Variants in GRIK4 observed in about 807,000 individuals in gnomAD.
GRIK4 encodes glutamate receptor ionotropic, kainate 4.
In GRIK4, 40 loss-of-function variants were observed where a neutral mutation model predicts 104.9. That is an observed-to-expected ratio of 0.38 (90% CI 0.30 to 0.50). GRIK4 has a LOEUF of 0.50. GRIK4 is among the 20% of genes least tolerant of loss of function. The probability of loss-of-function intolerance (pLI) is 0.93; values close to 1 mark genes in which losing one functional copy is unlikely to be tolerated. For synonymous variants in GRIK4, 485 were observed against 524.9 expected, an observed-to-expected ratio of 0.92 and a Z score of 1.04; for missense variants, 1,047 against 1,308.1, an observed-to-expected ratio of 0.80 and a Z score of 3.08.
intron 1 of GRIK4, among the ~76,000 whole-genome samples, chr11:120,607,465 CG>C (rs1948977139): frequency 6.6e-6 from 1 of 151,726 alleles, no homozygotes; most frequent in South Asian, 2.1e-4. Context: ...GGCATCTGCA[CG>C]GTGGGTGAGG....
rs539578367 is a variant in GRIK4, at chr11:120,744,541, C to A, written c.83-58152C>A. ...TATGCCAGGCCCTGGGCAAAGGGGG[C>A]AGTCGTGGTGTCCCAGCAACTGACT... is the stretch of plus-strand genomic sequence containing the variant. On this transcript the variant is annotated intron_variant, in intron 3 of 20. Coordinates refer to ENST00000527524, the MANE Select transcript of GRIK4 (RefSeq NM_014619.5). 7.9e-5 allele frequency among the ~76,000 whole-genome samples: 12 copies of A among 152,268 alleles called. No individual in the cohort carries two copies. The South Asian group carries it at 2.5e-3, about 32-fold the overall frequency.
At chr11:120,647,563 T>C (rs1412475302) in intron 1 of GRIK4, among the ~76,000 whole-genome samples, 2 of 152,244 alleles carry the variant, frequency 1.3e-5, no homozygotes, top group African/African-American at 4.8e-5. Context: ...ATTTGGTTTT[T>C]TCACCATCCT....
chr11:120,653,600 A>T (rs555299165), intron 1 of GRIK4, 85 bp from the exon 2 acceptor site: 1 of 152,228 alleles, frequency 6.6e-6, no homozygotes, highest in East Asian at 1.9e-4. Flanking sequence ...CTTCAGTGAC[A>T]CCAAATACCA....
rs375368715 is a variant in GRIK4 at position 120,832,024 on chromosome 11, C to T, written c.684C>T (p.Leu228=). 24 of 1,607,282 alleles carry T rather than the reference C, an allele frequency of 1.5e-5. No individual in the cohort carries two copies. Among genetic ancestry groups the T allele is most frequent in the Middle Eastern group, 3.7e-4 (2 of 5,462 alleles). The change falls in exon 7 of 21, where the codon CTC becomes CTT. Residue 228 remains leucine, a synonymous_variant. Transcript: ENST00000527524. The part of the protein sequence containing the change: ...HANASMSHTI[L]LKAAELGMVS... Reference sequence around the variant, plus strand: ...ACGCCTCCATGTCCCACACCATCCTCCTGAAGGTGGGAGCCTCCCTCTCTC... The same window carrying T: ...ACGCCTCCATGTCCCACACCATCCTTCTGAAGGTGGGAGCCTCCCTCTCTC...
intron 3 of GRIK4, among the ~76,000 whole-genome samples, chr11:120,746,122 G>T (rs576452225): frequency 3.0e-4 from 45 of 152,144 alleles, no homozygotes; most frequent in Non-Finnish European, 4.3e-4. Flanking sequence ...AAAGAATAAG[G>T]TGCTTCATAA....
intron 1 of GRIK4, among the ~76,000 whole-genome samples, chr11:120,564,991 G>T (rs975891726): frequency 2.6e-5 from 4 of 152,192 alleles, no homozygotes; most frequent in Non-Finnish European, 5.9e-5. Flanking sequence ...GGGTGGGGGG[G>T]GTGGGGTGTC....
At chr11:120,654,102 G>A (rs1949662593) in intron 2 of GRIK4, among the ~76,000 whole-genome samples, 1 of 152,240 alleles carries the variant, frequency 6.6e-6, no homozygotes, top group African/African-American at 2.4e-5. Context: ...GTTGGAAGCT[G>A]TACTGACATA....
intron 13 of GRIK4, among the ~76,000 whole-genome samples, chr11:120,934,154 G>A (rs1389515742): frequency 3.5e-5 from 5 of 143,536 alleles, no homozygotes; most frequent in South Asian, 2.2e-4. Context: ...GCAGTGAGCC[G>A]AGATCACGCC....
intron 13 of GRIK4, among the ~76,000 whole-genome samples, chr11:120,912,346 G>T (rs1199234630): frequency 2.6e-5 from 4 of 152,186 alleles, no homozygotes; most frequent in African/African-American, 9.7e-5. Flanking sequence ...CAGGCTGAAG[G>T]CGTAGACTGT....
chr11:120,928,009 G>A (rs1339208655), intron 13 of GRIK4, among the ~76,000 whole-genome samples: 1 of 152,038 alleles, frequency 6.6e-6, no homozygotes, highest in Non-Finnish European at 1.5e-5. Flanking sequence ...GATCAGGAGT[G>A]TGAGAGACCA....
intron 11 of GRIK4, among the ~76,000 whole-genome samples, chr11:120,889,130 C>T (rs567084270): frequency 7.6e-4 from 116 of 152,324 alleles, no homozygotes; most frequent in Admixed American, 6.8e-3. Context: ...CTCCAGGACT[C>T]GGTTGGGCTC....
In GRIK4 at chr11:120,987,518, T is replaced by G. The variant is rs1407345066; in HGVS notation, c.*1258T>G. Reference sequence around the variant, plus strand: ...CAGAAAGACCTTAAGTATTCAAGAATTTGCTAGGTTCCTGGGAGAGAGGTG... The same window carrying G: ...CAGAAAGACCTTAAGTATTCAAGAAGTTGCTAGGTTCCTGGGAGAGAGGTG... On this transcript the variant is annotated 3_prime_UTR_variant, in exon 21 of 21. Coordinates refer to ENST00000527524, the MANE Select transcript of GRIK4 (RefSeq NM_014619.5). 1 of 152,234 alleles carries G rather than the reference T, an allele frequency of 6.6e-6. No homozygotes were observed. The highest frequency in any genetic ancestry group is 1.5e-5 in the Non-Finnish European group (1 of 68,082). 9.4% of individuals were successfully genotyped at this position (152,234 alleles called of 1,614,324 possible). A position where few individuals can be genotyped will look rare whatever the true frequency, so the allele number is the denominator to read the frequency against.
At chr11:120,605,969 A>G (rs901727803) in intron 1 of GRIK4, among the ~76,000 whole-genome samples, 2 of 152,188 alleles carry the variant, frequency 1.3e-5, no homozygotes, top group African/African-American at 4.8e-5. Flanking sequence ...GCCTTTTCTA[A>G]TAGGCTTCTT....
chr11:120,596,748 A>C (rs1420730993), intron 1 of GRIK4, among the ~76,000 whole-genome samples: 1 of 151,720 alleles, frequency 6.6e-6, no homozygotes, highest in African/African-American at 2.4e-5. Flanking sequence ...TTTTTTAGAC[A>C]GAGTGTCACT....
At chr11:120,596,732 G>T (rs1299318783) in intron 1 of GRIK4, among the ~76,000 whole-genome samples, 11 of 144,448 alleles carry the variant, frequency 7.6e-5, no homozygotes, top group African/African-American at 2.8e-4. Flanking sequence ...ACTTGTTTTT[G>T]TTTTTTTTTT....
intron 3 of GRIK4, among the ~76,000 whole-genome samples, chr11:120,738,296 C>T (rs1002208316): frequency 6.6e-6 from 1 of 152,158 alleles, no homozygotes; most frequent in Non-Finnish European, 1.5e-5. Context: ...CAGTAAGCAC[C>T]GTCTCAGAGT....
chr11:120,873,946 T>G, intron 9 of GRIK4, 120 bp from the exon 10 acceptor site: 4 of 888,678 alleles, frequency 4.5e-6, no homozygotes, highest in Non-Finnish European at 6.9e-6. Context: ...GATGCACTCT[T>G]ATTTCCCTTT....
chr11:120,765,303 C>T (rs1296034725), intron 3 of GRIK4, among the ~76,000 whole-genome samples: 2 of 151,776 alleles, frequency 1.3e-5, no homozygotes, highest in Non-Finnish European at 2.9e-5. Context: ...TTTTTCAGCT[C>T]CATCAGGTCA....
At chr11:120,704,660 G>A (rs1950601466) in intron 3 of GRIK4, among the ~76,000 whole-genome samples, 1 of 152,090 alleles carries the variant, frequency 6.6e-6, no homozygotes, top group South Asian at 2.1e-4. Context: ...ATGGTATGTG[G>A]TCGGTAAATG....
Sources: gnomAD v4.1 joint callset for allele counts (sites outside exome capture counted in the v4.1 genomes callset) on GRCh38, gnomAD v4.1.1 for gene constraint, MANE v1.5 for transcripts, NCBI Gene and HGNC (gene_info 2026-07-23, HGNC 2026-07-21) for gene names.